The following NTRK3 variants were observed in gnomAD, a reference collection of about 807,000 sequenced individuals.
The protein encoded by NTRK3 is neurotrophic receptor tyrosine kinase 3.
Under a neutral mutation model 91.7 loss-of-function variants are expected in NTRK3, and 24 were observed. That is an observed-to-expected ratio of 0.26 (90% CI 0.19 to 0.37). The LOEUF (loss-of-function observed/expected upper bound fraction) is 0.37. Among genes scored for constraint, NTRK3 ranks in the 10% least tolerant of loss-of-function variants. The pLI is 1.00. For missense variants in NTRK3, 880 were observed against 1,068.9 expected (o/e 0.82, Z 2.46); for synonymous variants, 483 against 404.0 (o/e 1.20, Z -2.34).
At chr15:88,204,965 G>A (rs2048616487) in intron 3 of NTRK3, among the ~76,000 whole-genome samples, 1 of 152,174 alleles carries the variant, frequency 6.6e-6, no homozygotes, top group Admixed American at 6.5e-5. Context: ...GGAATATGAT[G>A]GGAAAGATGA....
intron 13 of NTRK3, among the ~76,000 whole-genome samples, chr15:88,049,849 G>C (rs1041854442): frequency 5.9e-5 from 9 of 152,218 alleles, no homozygotes; most frequent in African/African-American, 1.9e-4. Flanking sequence ...AGATGGTTCA[G>C]AATCAATGAT....
intron 14 of NTRK3, among the ~76,000 whole-genome samples, chr15:88,011,830 G>A (rs2076903738): frequency 6.6e-6 from 1 of 152,206 alleles, no homozygotes; most frequent in Non-Finnish European, 1.5e-5. Flanking sequence ...CAGTAGTGCA[G>A]AAGTGAATTT....
chr15:87,943,557 C>T (rs1380085479), intron 14 of NTRK3, among the ~76,000 whole-genome samples: 2 of 152,158 alleles, frequency 1.3e-5, no homozygotes, highest in Non-Finnish European at 2.9e-5. Flanking sequence ...TCACCAGCTC[C>T]ACTCAGAACA....
chr15:88,115,424 T>C (rs16941275), intron 13 of NTRK3, among the ~76,000 whole-genome samples: 35,193 of 152,180 alleles, frequency 0.23, 4,279 homozygotes, highest in Non-Finnish European at 0.25. Context: ...GGTCCAAGGC[T>C]AACCCACTGA....
chr15:88,028,821 T>G (rs2141976353), intron 14 of NTRK3, among the ~76,000 whole-genome samples: 1 of 152,238 alleles, frequency 6.6e-6, no homozygotes, highest in African/African-American at 2.4e-5. Context: ...CAGAGAACCC[T>G]GTTCATCCTT....
intron 13 of NTRK3, among the ~76,000 whole-genome samples, chr15:88,077,479 A>C (rs945989428): frequency 6.6e-6 from 1 of 151,860 alleles, no homozygotes; most frequent in African/African-American, 2.4e-5. Flanking sequence ...ATGGGAGTTT[A>C]AAAATGGAAA....
At chr15:87,945,359 T>C (rs1163557048) in intron 14 of NTRK3, among the ~76,000 whole-genome samples, 1 of 152,198 alleles carries the variant, frequency 6.6e-6, no homozygotes, top group Non-Finnish European at 1.5e-5. Flanking sequence ...AAGATTTCTG[T>C]GTTTTAGTGG....
At position 88,223,601 on chromosome 15, in the gene NTRK3, A is replaced by G. The variant is rs76345236; in HGVS notation, c.248+32305T>C. Among the ~76,000 whole-genome samples the G allele has an allele frequency of 6.8e-3, 1,043 of 152,304 alleles. 9 individuals are homozygous for G. The highest frequency in any genetic ancestry group is 0.021 in the East Asian group (107 of 5,174). ...TTCACATGTCAGAGAGCCCTGTCCA[A>G]TGCAACGCCACCACTTCATCGCTCC... On this transcript the variant is annotated intron_variant, in intron 3 of 18. Coordinates refer to ENST00000394480, the Ensembl canonical transcript of NTRK3.
intron 3 of NTRK3, among the ~76,000 whole-genome samples, chr15:88,205,340 C>T (rs572999257): frequency 1.5e-3 from 227 of 152,296 alleles, no homozygotes; most frequent in Non-Finnish European, 2.5e-3. Flanking sequence ...GACTGGCCTA[C>T]GTGGGCCTCG....
At chr15:88,062,441 G>T (rs2046302944) in intron 13 of NTRK3, among the ~76,000 whole-genome samples, 1 of 152,168 alleles carries the variant, frequency 6.6e-6, no homozygotes, top group Non-Finnish European at 1.5e-5. Context: ...ATAAACAGAA[G>T]TCTTGGCTAG....
At chr15:88,019,270 C>A (rs2077445012) in intron 14 of NTRK3, among the ~76,000 whole-genome samples, 1 of 152,204 alleles carries the variant, frequency 6.6e-6, no homozygotes. Flanking sequence ...CCTAGAGGAG[C>A]AGGATGACAG....
chr15:88,248,859 G>C (rs2053093699), intron 3 of NTRK3, among the ~76,000 whole-genome samples: 1 of 152,206 alleles, frequency 6.6e-6, no homozygotes. Flanking sequence ...GCTGTCACTA[G>C]TTATGTATAG....
chr15:87,939,953 G>A (rs1394684071), intron 15 of NTRK3, among the ~76,000 whole-genome samples: 1 of 152,260 alleles, frequency 6.6e-6, no homozygotes, highest in Admixed American at 6.5e-5. Flanking sequence ...TTCAGCTCCT[G>A]CTGCAAATCT....
chr15:88,089,600 G>C (rs1023567820), intron 13 of NTRK3, among the ~76,000 whole-genome samples: 1 of 152,198 alleles, frequency 6.6e-6, no homozygotes, highest in African/African-American at 2.4e-5. Flanking sequence ...CAAACTAGCT[G>C]AGTCCCATTA....
At chr15:88,113,302 G>A (rs2051632390) in intron 13 of NTRK3, among the ~76,000 whole-genome samples, 1 of 140,176 alleles carries the variant, frequency 7.1e-6, no homozygotes, top group Non-Finnish European at 1.5e-5. Flanking sequence ...CCCACCTGCT[G>A]ATCAATTTCT....
exon 19 of NTRK3, chr15:87,877,000 C>T (rs1189216024): frequency 6.2e-7 from 1 of 1,613,828 alleles, no homozygotes; most frequent in South Asian, 1.1e-5. Context: ...TTGTAGATCT[C>T]CTTGATGTTC....
At chr15:87,897,517 AAGTCAC>A (rs1236877887) in intron 17 of NTRK3, among the ~76,000 whole-genome samples, 1 of 152,316 alleles carries the variant, frequency 6.6e-6, no homozygotes, top group East Asian at 1.9e-4. Context: ...AAAAGAGCTC[AAGTCAC>A]TCAACAAAGC....
chr15:87,991,719 T>A (rs1596561530), intron 14 of NTRK3, among the ~76,000 whole-genome samples: 1 of 152,302 alleles, frequency 6.6e-6, no homozygotes, highest in East Asian at 1.9e-4. Context: ...TAATTCCCCA[T>A]ATCAAACACC....
chr15:88,135,477 G>T (rs978216990), intron 9 of NTRK3, 80 bp from the exon 10 acceptor site: 2 of 1,490,172 alleles, frequency 1.3e-6, no homozygotes, highest in Non-Finnish European at 1.8e-6. Context: ...ACTAAAATGG[G>T]AATCCCGGTT....
Sources: gnomAD v4.1 joint callset for allele counts (sites outside exome capture counted in the v4.1 genomes callset) on GRCh38, gnomAD v4.1.1 for gene constraint, MANE v1.5 for transcripts, NCBI Gene and HGNC (gene_info 2026-07-23, HGNC 2026-07-21) for gene names.